GRID1: variants seen among roughly 807,000 people sequenced by gnomAD.
GRID1 encodes the protein glutamate ionotropic receptor delta type subunit 1, also known as glutamate receptor ionotropic, delta-1.
In GRID1, 28 loss-of-function variants were observed where a neutral mutation model predicts 98.0. That is an observed-to-expected ratio of 0.29 (90% CI 0.21 to 0.39). The LOEUF (loss-of-function observed/expected upper bound fraction) is 0.39. GRID1 is among the 10% of genes least tolerant of loss of function. The probability of loss-of-function intolerance (pLI) is 1.00; values close to 1 mark genes in which losing one functional copy is unlikely to be tolerated. For missense variants in GRID1, 1,111 were observed against 1,340.5 expected (o/e 0.83, Z 2.67); for synonymous variants, 553 against 538.5 (o/e 1.03, Z -0.37).
chr10:86,084,008 C>T (rs982733566), intron 4 of GRID1, among the ~76,000 whole-genome samples: 2 of 152,234 alleles, frequency 1.3e-5, no homozygotes, highest in African/African-American at 2.4e-5. Flanking sequence ...ACATCAGCCT[C>T]GGTCTGGTTG....
At chr10:86,123,806 A>G (rs1439729358) in intron 4 of GRID1, among the ~76,000 whole-genome samples, 2 of 152,232 alleles carry the variant, frequency 1.3e-5, no homozygotes, top group Non-Finnish European at 2.9e-5. Context: ...AATAATGTGC[A>G]AAGCTCTTTA....
intron 2 of GRID1, among the ~76,000 whole-genome samples, chr10:86,231,363 T>C (rs528599710): frequency 4.6e-5 from 7 of 152,156 alleles, no homozygotes; most frequent in Non-Finnish European, 1.0e-4. Flanking sequence ...GCCATCTGCC[T>C]GGGAAGCAGG....
At chr10:86,143,824 A>G (rs192266552) in intron 3 of GRID1, among the ~76,000 whole-genome samples, 9 of 152,314 alleles carry the variant, frequency 5.9e-5, no homozygotes, top group Admixed American at 3.3e-4. Context: ...TGCGCCTTAG[A>G]GAAAGGAGGC....
intron 2 of GRID1, among the ~76,000 whole-genome samples, chr10:86,297,801 C>A (rs1262847713): frequency 1.3e-5 from 2 of 152,166 alleles, no homozygotes; most frequent in Non-Finnish European, 2.9e-5. Context: ...GACAGAAAGT[C>A]CACCCATGGG....
At chr10:85,986,046 G>GTCT (rs1221486354) in intron 4 of GRID1, among the ~76,000 whole-genome samples, 2 of 152,250 alleles carry the variant, frequency 1.3e-5, no homozygotes, top group African/African-American at 2.4e-5. Context: ...CTGGCACAAT[G>GTCT]TCTACTGCAT....
intron 4 of GRID1, among the ~76,000 whole-genome samples, chr10:85,937,070 C>T (rs1162954066): frequency 6.6e-6 from 1 of 152,222 alleles, no homozygotes; most frequent in Non-Finnish European, 1.5e-5. Context: ...CTCACCCAGG[C>T]TGTTTTCCTT....
intron 8 of GRID1, among the ~76,000 whole-genome samples, chr10:85,788,762 T>C (rs1842452740): frequency 6.6e-6 from 1 of 152,236 alleles, no homozygotes; most frequent in Non-Finnish European, 1.5e-5. Flanking sequence ...GGAGCTGACC[T>C]CTAGCAACTA....
Position 85,613,553 on chromosome 10 carries a change from C to T in GRID1, c.2455G>A (p.Ala819Thr), listed in dbSNP as rs781493433. Residue 819 changes from alanine to threonine, a missense_variant, in exon 15 of 16, where the codon GCC becomes ACC. Ala to Thr is a moderately conservative substitution (Grantham distance 58). Transcript: ENST00000327946. ...TTGAGGGATTTGCCGTCGGCCTGGG[C>T]GCTGGCATGGCTGGTGAGGTCACAG... is the stretch of plus-strand genomic sequence containing the variant. ...GRCDLTSHASAQADGKSLKLH... is the reference protein window; with the variant it reads ...GRCDLTSHASTQADGKSLKLH... The T allele has an allele frequency of 2.8e-5, 46 of 1,614,096 alleles. No individual in the cohort carries two copies. The highest frequency in any genetic ancestry group is 3.5e-5 in the Non-Finnish European group (41 of 1,180,056).
chr10:86,318,619 A>C (rs1847929869), intron 2 of GRID1, among the ~76,000 whole-genome samples: 1 of 152,230 alleles, frequency 6.6e-6, no homozygotes, highest in South Asian at 2.1e-4. Flanking sequence ...CGTTCCCTGG[A>C]GCCAGAAGTT....
chr10:85,891,654 C>T (rs749387786), intron 5 of GRID1, among the ~76,000 whole-genome samples: 26 of 152,056 alleles, frequency 1.7e-4, no homozygotes, highest in Non-Finnish European at 2.9e-4. Context: ...TAGAAATAGG[C>T]CAAATTAGCA....
At chr10:85,613,365 C>T (rs747153755) in intron 15 of GRID1, 42 bp downstream of exon 15, 2 of 1,585,390 alleles carry the variant, frequency 1.3e-6, no homozygotes, top group Admixed American at 1.7e-5. Flanking sequence ...GACACTCCTG[C>T]CTCTAGGCTG....
intron 3 of GRID1, among the ~76,000 whole-genome samples, chr10:86,203,478 G>C (rs76326068): frequency 0.032 from 4,752 of 147,648 alleles, 131 homozygotes; most frequent in African/African-American, 0.058. Context: ...GTTGGAAATG[G>C]GCAGCAGCTG....
chr10:85,984,354 G>C (rs1366079229), intron 4 of GRID1, among the ~76,000 whole-genome samples: 3 of 152,212 alleles, frequency 2.0e-5, no homozygotes, highest in African/African-American at 4.8e-5. Context: ...TCAAGGCCAA[G>C]CCAGCAGGCA....
intron 3 of GRID1, among the ~76,000 whole-genome samples, chr10:86,180,811 A>G (rs548146020): frequency 3.3e-5 from 5 of 152,162 alleles, no homozygotes; most frequent in Admixed American, 6.5e-5. Flanking sequence ...ACTGTGACAC[A>G]AATGGCAATA....
At chr10:86,309,285 G>A (rs552487745) in intron 2 of GRID1, among the ~76,000 whole-genome samples, 7 of 152,178 alleles carry the variant, frequency 4.6e-5, no homozygotes, top group East Asian at 1.9e-4. Flanking sequence ...CAGCATCCTC[G>A]GTCATCCATT....
At chr10:86,200,452 T>C (rs551890189) in intron 3 of GRID1, among the ~76,000 whole-genome samples, 69 of 152,160 alleles carry the variant, frequency 4.5e-4, no homozygotes, top group Non-Finnish European at 8.4e-4. Flanking sequence ...AGAGGTAGGC[T>C]TGCTAGGCTC....
intron 3 of GRID1, among the ~76,000 whole-genome samples, chr10:86,186,644 G>A (rs576709867): frequency 1.3e-5 from 2 of 152,256 alleles, no homozygotes; most frequent in East Asian, 3.9e-4. Context: ...GGAAAATGGG[G>A]CCAAAAGTAC....
chr10:86,155,288 G>A (rs1036058980), intron 3 of GRID1, among the ~76,000 whole-genome samples: 5 of 152,208 alleles, frequency 3.3e-5, no homozygotes, highest in Admixed American at 6.5e-5. Flanking sequence ...GGCTGTCGAC[G>A]GCCAACCTGC....
At chr10:85,794,641 G>A (rs768090778) in intron 8 of GRID1, among the ~76,000 whole-genome samples, 7 of 152,190 alleles carry the variant, frequency 4.6e-5, no homozygotes, top group Non-Finnish European at 1.0e-4. Flanking sequence ...TACCTTTGAT[G>A]GGGGTTAAGT....
Sources: allele counts gnomAD v4.1 joint callset (sites outside exome capture counted in the v4.1 genomes callset), GRCh38; gene constraint gnomAD v4.1.1; transcripts MANE v1.5; gene names NCBI Gene and HGNC (gene_info 2026-07-23, HGNC 2026-07-21).